MAGI3: variants seen among roughly 807,000 people sequenced by gnomAD.
MAGI3 encodes the protein membrane-associated guanylate kinase, WW and PDZ domain-containing protein 3.
MAGI3 carries 43 observed loss-of-function variants against 121.8 expected under a neutral mutation model. The observed-to-expected ratio is 0.35, with a 90% CI of 0.28 to 0.46. The LOEUF (loss-of-function observed/expected upper bound fraction) is 0.46. Ranked by LOEUF, MAGI3 falls within the 20% of genes least tolerant of loss-of-function variation. The pLI is 1.00. For missense variants in MAGI3, 1,547 were observed against 1,797.3 expected (o/e 0.86, Z 2.52); for synonymous variants, 553 against 639.3 (o/e 0.86, Z 2.04).
chr1:113,445,281 C>T (rs1470605130), intron 1 of MAGI3, among the ~76,000 whole-genome samples: 1 of 151,994 alleles, frequency 6.6e-6, no homozygotes, highest in Admixed American at 6.6e-5. Flanking sequence ...AGTGTGAACC[C>T]AAAGAGACCC....
At chr1:113,677,147 A>G (rs1275852820) in intron 19 of MAGI3, among the ~76,000 whole-genome samples, 4 of 152,218 alleles carry the variant, frequency 2.6e-5, no homozygotes, top group African/African-American at 9.7e-5. Context: ...GGAGAGAGAA[A>G]AAAAGTGTTC....
At chr1:113,511,837 A>C (rs896459727) in intron 1 of MAGI3, among the ~76,000 whole-genome samples, 3 of 152,214 alleles carry the variant, frequency 2.0e-5, no homozygotes, top group African/African-American at 7.2e-5. Context: ...TTGGGCTATA[A>C]CTTAAATGGT....
chr1:113,672,550 A>C (rs1191086966), intron 17 of MAGI3, 65 bp from the exon 18 acceptor site: 4 of 1,512,616 alleles, frequency 2.6e-6, no homozygotes, highest in Non-Finnish European at 2.7e-6. Context: ...AAAGAAATTA[A>C]TCTGCCTTTA....
At chr1:113,665,625 TCTTTAC>T (rs1252215733) in intron 16 of MAGI3, among the ~76,000 whole-genome samples, 1 of 152,174 alleles carries the variant, frequency 6.6e-6, no homozygotes, top group Non-Finnish European at 1.5e-5. Context: ...GTGGAGAATA[TCTTTAC>T]ATATTAAGTC....
chr1:113,618,179 T>G (rs1022426789), intron 7 of MAGI3, among the ~76,000 whole-genome samples: 2 of 147,428 alleles, frequency 1.4e-5, no homozygotes, highest in African/African-American at 5.3e-5. Context: ...AAAAAAAAAT[T>G]TTTTTTAATT....
chr1:113,509,070 A>T (rs1657482533), intron 1 of MAGI3, among the ~76,000 whole-genome samples: 2 of 152,124 alleles, frequency 1.3e-5, no homozygotes, highest in South Asian at 4.1e-4. Context: ...ATTTACTGTT[A>T]ATATTGTTTG....
chr1:113,640,277 T>C (rs1050188383), intron 9 of MAGI3, among the ~76,000 whole-genome samples: 5 of 142,454 alleles, frequency 3.5e-5, no homozygotes, highest in Non-Finnish European at 8.1e-5. Flanking sequence ...TTTACACTAT[T>C]GGTGGGAGTA....
chr1:113,562,022 T>TA (rs1660257981), intron 2 of MAGI3, among the ~76,000 whole-genome samples: 1 of 151,774 alleles, frequency 6.6e-6, no homozygotes, highest in South Asian at 2.1e-4. Flanking sequence ...ACAATTGCCA[T>TA]AAAAAAGAAT....
chr1:113,493,906 T>C (rs912057575), intron 1 of MAGI3, among the ~76,000 whole-genome samples: 7 of 152,182 alleles, frequency 4.6e-5, no homozygotes, highest in Non-Finnish European at 7.3e-5. Context: ...GGAACACTTA[T>C]ACGCTGTTGA....
Position 113,672,509 on chromosome 1 carries a change from G to C in MAGI3, c.2919-106G>C, listed in dbSNP as rs186982422. The C allele has an allele frequency of 1.9e-5, 25 of 1,298,878 alleles. No individual in the cohort carries two copies. In the African/African-American group the frequency reaches 3.4e-4, roughly 18 times the overall value. 80.5% of individuals were successfully genotyped at this position (1,298,878 alleles called of 1,614,324 possible). On this transcript the variant is annotated intron_variant, in intron 17 of 20. Coordinates refer to ENST00000307546, the MANE Select transcript of MAGI3 (RefSeq NM_001142782.2). The stretch of plus-strand genomic sequence containing the variant: ...TCTGTCTTCATAGTGGTTTGTCAGA[G>C]GGAAAATGGCAAGGTCGAGCTTTTA...
intron 16 of MAGI3, among the ~76,000 whole-genome samples, chr1:113,661,273 T>C (rs1653773487): frequency 6.6e-6 from 1 of 152,182 alleles, no homozygotes; most frequent in South Asian, 2.1e-4. Flanking sequence ...TGTTTAAATC[T>C]CACTTCCCAA....
chr1:113,628,482 A>G (rs537785818), intron 9 of MAGI3, among the ~76,000 whole-genome samples: 83 of 152,210 alleles, frequency 5.5e-4, no homozygotes, highest in African/African-American at 7.5e-4. Flanking sequence ...TTAATATTCT[A>G]TGTTTTTCTG....
chr1:113,607,013 T>G (rs1225154545), intron 6 of MAGI3, among the ~76,000 whole-genome samples: 1 of 152,168 alleles, frequency 6.6e-6, no homozygotes, highest in African/African-American at 2.4e-5. Context: ...TGATTTTTCT[T>G]TTATATTATA....
chr1:113,548,106 T>TA (rs1406336735), intron 1 of MAGI3, among the ~76,000 whole-genome samples: 2 of 152,216 alleles, frequency 1.3e-5, no homozygotes, highest in Non-Finnish European at 2.9e-5. Flanking sequence ...GAATAATAGT[T>TA]AAAAAAATTA....
chr1:113,562,938 A>G (rs1350272629), intron 2 of MAGI3, among the ~76,000 whole-genome samples: 1 of 152,228 alleles, frequency 6.6e-6, no homozygotes, highest in African/African-American at 2.4e-5. Flanking sequence ...ACTCTTCTAG[A>G]AAATAGTGGA....
chr1:113,604,371 A>T (rs1416936098), intron 6 of MAGI3, among the ~76,000 whole-genome samples: 1 of 151,938 alleles, frequency 6.6e-6, no homozygotes, highest in Non-Finnish European at 1.5e-5. Context: ...GATCAAGACC[A>T]TCCTGGCCAA....
intron 11 of MAGI3, among the ~76,000 whole-genome samples, chr1:113,645,950 C>CT (rs1652808037): frequency 6.6e-6 from 1 of 152,184 alleles, no homozygotes; most frequent in African/African-American, 2.4e-5. Context: ...TACATTTTCT[C>CT]TTAATATATG....
At chr1:113,557,539 C>T (rs1243461174) in intron 2 of MAGI3, among the ~76,000 whole-genome samples, 1 of 152,176 alleles carries the variant, frequency 6.6e-6, no homozygotes, top group African/African-American at 2.4e-5. Context: ...CCAGCCACCA[C>T]CCATGTTCTA....
chr1:113,477,131 A>G (rs950785627), intron 1 of MAGI3, among the ~76,000 whole-genome samples: 5 of 151,904 alleles, frequency 3.3e-5, no homozygotes, highest in African/African-American at 7.3e-5. Flanking sequence ...TTTGCACATG[A>G]GATGAGTCTC....
Sources: gnomAD v4.1 joint callset for allele counts (sites outside exome capture counted in the v4.1 genomes callset) on GRCh38, gnomAD v4.1.1 for gene constraint, MANE v1.5 for transcripts, NCBI Gene and HGNC (gene_info 2026-07-23, HGNC 2026-07-21) for gene names.